The following STAG3 variants were observed in gnomAD, a reference collection of about 807,000 sequenced individuals.
STAG3 encodes STAG3 cohesin complex component.
Under a neutral mutation model 160.7 loss-of-function variants are expected in STAG3, and 101 were observed. That is an observed-to-expected ratio of 0.63 (90% CI 0.54 to 0.74). The LOEUF (loss-of-function observed/expected upper bound fraction) is 0.74, where lower values mean the gene tolerates loss of function less well. STAG3 is among the 30% of genes least tolerant of loss of function. STAG3 has a pLI of 0.00. For missense variants in STAG3, 1,188 were observed against 1,517.4 expected (o/e 0.78, Z 3.61); for synonymous variants, 519 against 585.0 (o/e 0.89, Z 1.63).
At position 100,198,523 on chromosome 7, in the gene STAG3, A is replaced by T. The variant is rs3735241; in HGVS notation, c.1293A>T (p.Pro431=). ...ACGCGGATTGTGAGAGCGTCTACCC[A>T]GTTGTGTATGCCTCTCATCGAGGCC... ...LTDADCESVY[P]VVYASHRGLA... Residue 431 remains proline (P), a synonymous_variant, in exon 13 of 34, where the codon CCA becomes CCT. Transcript: ENST00000615138. 4.3e-6 allele frequency: 7 copies of T among 1,613,822 alleles called. No individual in the cohort carries two copies. Among genetic ancestry groups the T allele is most frequent in the African/African-American group, 2.7e-5 (2 of 74,836 alleles).
chr7:100,184,702 G>C (rs1287839060), intron 4 of STAG3, among the ~76,000 whole-genome samples: 1 of 151,972 alleles, frequency 6.6e-6, no homozygotes, highest in African/African-American at 2.4e-5. Flanking sequence ...TTTTGACCTC[G>C]TGATCCGCCG....
In STAG3 at chr7:100,188,890, A is replaced by G. The variant is rs1415210701; in HGVS notation, c.589A>G (p.Thr197Ala). The change falls in exon 7 of 34, where the codon ACA becomes GCA. Residue 197 changes from threonine to alanine, a missense_variant. By Grantham distance (58) the Thr-to-Ala change is moderately conservative. Coordinates refer to ENST00000615138, the MANE Select transcript of STAG3 (RefSeq NM_001282717.2). ...GGGCAGCTTCTGTGAATTTGTGAGG[A>G]CATTGGTCTGTCAGTGCCAGTACAG... ...FQGSFCEFVR[T>A]LVCQCQYSLL... 2 of 1,614,024 alleles carry G rather than the reference A, an allele frequency of 1.2e-6. No homozygotes were observed. Among genetic ancestry groups the G allele is most frequent in the Non-Finnish European group, 1.7e-6 (2 of 1,180,036 alleles).
chr7:100,197,009 T>C (rs1308559463), intron 9 of STAG3, 147 bp from the exon 10 acceptor site: 11 of 606,044 alleles, frequency 1.8e-5, no homozygotes, highest in Non-Finnish European at 2.7e-5. Flanking sequence ...TATATAGTAT[T>C]TACATCGGGA....
At chr7:100,178,832 C>CTT (rs10632661) in intron 1 of STAG3, among the ~76,000 whole-genome samples, 40,887 of 142,774 alleles carry the variant, frequency 0.29, 6,435 homozygotes, top group East Asian at 0.62. Flanking sequence ...TTTGTCATTA[C>CTT]TTTTTTTTTT....
At chr7:100,180,881 T>G (rs938037528) in intron 2 of STAG3, 37 of 136,954 alleles carry the variant, frequency 2.7e-4, no homozygotes, top group East Asian at 2.4e-3. Context: ...GTACATCCTG[T>G]TTTTTTTTTT....
Position 100,198,161 on chromosome 7 carries a change from C to T in STAG3, c.1239C>T (p.Ile413=), listed in dbSNP as rs1584712862. The T allele has an allele frequency of 2.5e-6, 4 of 1,613,788 alleles. No individual in the cohort carries two copies. Among genetic ancestry groups the T allele is most frequent in the East Asian group, 4.5e-5 (2 of 44,878 alleles). Reference sequence around the variant, plus strand: ...AGGCTGTCAGATTACTGATACTTATCCTTAAGTGAGTCCTGGGAAGAGGGG... The same window carrying T: ...AGGCTGTCAGATTACTGATACTTATTCTTAAGTGAGTCCTGGGAAGAGGGG... The part of the protein sequence containing the change: ...AVEAVRLLIL[I]LKNMEGVLTD... The change falls in exon 12 of 34, where the codon ATC becomes ATT. Residue 413 remains isoleucine, a synonymous_variant. Coordinates refer to ENST00000615138, the MANE Select transcript of STAG3 (RefSeq NM_001282717.2).
intron 21 of STAG3, 143 bp from the exon 22 acceptor site, chr7:100,201,643 C>T: frequency 1.3e-6 from 1 of 743,246 alleles, no homozygotes; most frequent in Non-Finnish European, 2.3e-6. Context: ...TGAAGAATGT[C>T]CAGAATATCA....
Position 100,197,804 on chromosome 7 carries a change from G to A in STAG3, c.1092G>A (p.Val364=), listed in dbSNP as rs763600611. The A allele has an allele frequency of 6.2e-6, 10 of 1,613,846 alleles. No homozygotes were observed. In the Admixed American group the frequency reaches 1.7e-4, roughly 27 times the overall value. The change falls in exon 11 of 34, where the codon GTG becomes GTA. Residue 364 remains valine (V), a synonymous_variant. Transcript: ENST00000615138. ...ACCGAGAAGTCCGCCTGAAGTGTGT[G>A]AAGGCCCTGAAAGGGCTGTACGGTA... The part of the protein sequence containing the change: ...DKHREVRLKC[V]KALKGLYGNR...
chr7:100,185,004 C>A (rs1156778118), intron 4 of STAG3, among the ~76,000 whole-genome samples: 1 of 151,200 alleles, frequency 6.6e-6, no homozygotes, highest in Admixed American at 6.6e-5. Flanking sequence ...AAGAAAGGAA[C>A]CTGCTTTTGC....
In STAG3 at chr7:100,208,636, C is replaced by G. The variant is rs551223593; in HGVS notation, c.3239-2375C>G. On this transcript the variant is annotated intron_variant, in intron 29 of 33. Transcript: ENST00000615138. Reference sequence around the variant, plus strand: ...GGGCGAAGCATGGAGGTACATAGATCGCTCTGCCTAAAGCGTAGGGTTTGT... The same window carrying G: ...GGGCGAAGCATGGAGGTACATAGATGGCTCTGCCTAAAGCGTAGGGTTTGT... 1.2e-4 allele frequency among the ~76,000 whole-genome samples: 18 copies of G among 152,286 alleles called. 1 individual carries two copies. In the South Asian group the frequency reaches 2.5e-3, roughly 21 times the overall value.
Position 100,201,314 on chromosome 7 carries a change from T to G in STAG3, c.2183T>G (p.Leu728Arg), listed in dbSNP as rs1562987836. ...CTCTATGAGCCATGTTGCCAACTCC[T>G]GCAGAAGGCTGTGGACACAGGAGAG... is the stretch of plus-strand genomic sequence containing the variant. ...WELYEPCCQLLQKAVDTGEVP... is the reference protein window; with the variant it reads ...WELYEPCCQLRQKAVDTGEVP... The change falls in exon 21 of 34, where the codon CTG (leucine) becomes CGG (arginine). Residue 728 changes from leucine to arginine, a missense_variant. Physicochemically the swap from Leu to Arg is moderately radical, Grantham distance 102 (BLOSUM62 -2). Coordinates refer to ENST00000615138, the MANE Select transcript of STAG3 (RefSeq NM_001282717.2). 1 of 1,614,144 alleles carries G rather than the reference T, an allele frequency of 6.2e-7. No individual in the cohort carries two copies. The highest frequency in any genetic ancestry group is 8.5e-7 in the Non-Finnish European group (1 of 1,180,012).
intron 29 of STAG3, among the ~76,000 whole-genome samples, chr7:100,208,409 G>GAACAATTATGAA (rs1485654951): frequency 2.6e-5 from 4 of 152,192 alleles, no homozygotes; most frequent in Non-Finnish European, 5.9e-5. Context: ...TGGAAAACTC[G>GAACAATTATGAA]AATTATGAAC....
In STAG3 at chr7:100,202,181, T is replaced by A. The variant is rs779317115; in HGVS notation, c.2404T>A (p.Leu802Ile). Residue 802 changes from leucine to isoleucine, a missense_variant, in exon 24 of 34, where the codon TTA becomes ATA. By Grantham distance (5) the Leu-to-Ile change is conservative. Around this residue, in one of 4 missense-constraint regions of STAG3, gnomAD observed 647 missense variants for 717.2 expected, o/e 0.90. Coordinates refer to ENST00000615138, the MANE Select transcript of STAG3 (RefSeq NM_001282717.2). The part of the protein sequence containing the change: ...DTEIQEQAFV[L>I]LSDLLLIFSP... ...TCTTTTCCCCCTACAGGCTTTTGTC[T>A]TATTAAGTGATCTACTTCTCATCTT... is the stretch of plus-strand genomic sequence containing the variant. 3.7e-6 allele frequency: 6 copies of A among 1,613,176 alleles called. No individual in the cohort carries two copies. The East Asian group carries it at 1.3e-4, about 36-fold the overall frequency.
intron 29 of STAG3, among the ~76,000 whole-genome samples, chr7:100,210,147 C>G (rs1026720727): frequency 5.3e-5 from 8 of 152,180 alleles, no homozygotes; most frequent in Non-Finnish European, 1.0e-4. Flanking sequence ...TCAGGGAGAT[C>G]AGGAGGACAC....
intron 26 of STAG3, among the ~76,000 whole-genome samples, chr7:100,204,338 T>C (rs1350847621): frequency 6.6e-6 from 1 of 152,218 alleles, no homozygotes; most frequent in African/African-American, 2.4e-5. Flanking sequence ...TATCAGGACA[T>C]TGGAACGCCA....
At chr7:100,205,761 C>T (rs1562997859) in intron 29 of STAG3, among the ~76,000 whole-genome samples, 2 of 150,004 alleles carry the variant, frequency 1.3e-5, no homozygotes, top group South Asian at 2.1e-4. Context: ...ACCCGGGAGG[C>T]GGAGGTTGCC....
In STAG3 at chr7:100,186,313, C is replaced by T. The variant is rs1373796940; in HGVS notation, c.433+17C>T. On this transcript the variant is annotated intron_variant, in intron 5 of 33. Transcript: ENST00000615138. ...GATGTAAAGGTGAGGAAACTGCTCC[C>T]CCTTTCTAATTCCCAGCCTTTTGTT... is the stretch of plus-strand genomic sequence containing the variant. The T allele has an allele frequency of 6.3e-6, 10 of 1,599,354 alleles. No homozygotes were observed. Among genetic ancestry groups the T allele is most frequent in the Non-Finnish European group, 8.6e-6 (10 of 1,166,818 alleles).
intron 24 of STAG3, 37 bp downstream of exon 24, chr7:100,202,377 G>A: frequency 6.2e-7 from 1 of 1,610,864 alleles, no homozygotes; most frequent in East Asian, 2.2e-5. Flanking sequence ...AGTAAGGGCT[G>A]GGGCTTGGGT....
Position 100,201,282 on chromosome 7 carries a change from C to G in STAG3, c.2151C>G (p.Arg717=), listed in dbSNP as rs1432354959. 1 of 1,614,154 alleles carries G rather than the reference C, an allele frequency of 6.2e-7. No individual in the cohort carries two copies. The highest frequency in any genetic ancestry group is 1.1e-5 in the South Asian group (1 of 91,084). ...SAFYNTHDLT[R]WELYEPCCQL... ...CCCAAAGCACTCATGACCTGACTCGCTGGGAGCTCTATGAGCCATGTTGCC... is the reference window on the plus strand; with the variant it reads ...CCCAAAGCACTCATGACCTGACTCGGTGGGAGCTCTATGAGCCATGTTGCC... The change falls in exon 21 of 34, where the codon CGC becomes CGG. Residue 717 remains arginine (R), a synonymous_variant. Coordinates refer to ENST00000615138, the MANE Select transcript of STAG3 (RefSeq NM_001282717.2).
Sources: allele counts gnomAD v4.1 joint callset (sites outside exome capture counted in the v4.1 genomes callset), GRCh38; gene constraint gnomAD v4.1.1; regional missense constraint gnomAD v4.1.1; transcripts MANE v1.5; gene names NCBI Gene and HGNC (gene_info 2026-07-23, HGNC 2026-07-21).